Variants in GALNT16 observed in about 807,000 individuals in gnomAD.
GALNT16 encodes the protein UDP-GalNAc:polypeptide N-acetylgalactosaminyltransferase-like protein 1.
A neutral mutation model predicts 76.1 loss-of-function variants in GALNT16; 40 were observed. The ratio of observed to expected loss-of-function variants is 0.53; its 90% CI spans 0.41 to 0.68. GALNT16 has a LOEUF of 0.68. Ranked by LOEUF, GALNT16 falls within the 30% of genes least tolerant of loss-of-function variation. The pLI, the probability that GALNT16 is intolerant of heterozygous loss-of-function variation, is 0.00. For missense variants in GALNT16, 621 were observed against 731.9 expected, an observed-to-expected ratio of 0.85 and a Z score of 1.75; for synonymous variants, 276 against 285.2, an observed-to-expected ratio of 0.97 and a Z score of 0.32.
chr14:69,385,500 T>A, the GALNT16 span, among the ~76,000 whole-genome samples: 2 of 152,042 alleles, frequency 1.3e-5, no homozygotes, highest in East Asian at 3.9e-4. Flanking sequence ...AAGAGCCAAT[T>A]TGAGCTATCA....
At chr14:69,307,162 C>T (rs887806817) in intron 1 of GALNT16, among the ~76,000 whole-genome samples, 1 of 152,140 alleles carries the variant, frequency 6.6e-6, no homozygotes, top group Non-Finnish European at 1.5e-5. Context: ...CTCGAGATCC[C>T]CAAGGGAGCA....
the GALNT16 span, among the ~76,000 whole-genome samples, chr14:69,365,730 T>A: frequency 6.6e-6 from 1 of 152,144 alleles, no homozygotes; most frequent in African/African-American, 2.4e-5. Context: ...ATGGCACACG[T>A]TCACCTATGT....
At chr14:69,332,961 G>T in intron 7 of GALNT16, 124 bp from the exon 8 acceptor site, 1 of 740,622 alleles carries the variant, frequency 1.4e-6, no homozygotes, top group Non-Finnish European at 2.5e-6. Context: ...TCCGAATGAA[G>T]GAGGGACTGC....
At chr14:69,366,451 G>C in the GALNT16 span, among the ~76,000 whole-genome samples, 1 of 152,200 alleles carries the variant, frequency 6.6e-6, no homozygotes, top group African/African-American at 2.4e-5. Flanking sequence ...TCAGGTCTCA[G>C]CTTAAATGTC....
At chr14:69,310,932 T>A (rs2045010009) in intron 1 of GALNT16, among the ~76,000 whole-genome samples, 1 of 151,940 alleles carries the variant, frequency 6.6e-6, no homozygotes, top group African/African-American at 2.4e-5. Flanking sequence ...AAATAAAATT[T>A]TAAAAAAATA....
At chr14:69,371,653 T>C in the GALNT16 span, among the ~76,000 whole-genome samples, 5 of 151,946 alleles carry the variant, frequency 3.3e-5, no homozygotes, top group African/African-American at 9.7e-5. Flanking sequence ...TTTGTAATAA[T>C]AGTTATCATT....
the GALNT16 span, chr14:69,380,509 C>T: frequency 2.7e-6 from 3 of 1,121,086 alleles, no homozygotes; most frequent in East Asian, 2.4e-5. Flanking sequence ...TCCAAGCCCA[C>T]CCCAACCCCC....
intron 1 of GALNT16, among the ~76,000 whole-genome samples, chr14:69,304,918 T>C (rs2140144057): frequency 6.6e-6 from 1 of 152,362 alleles, no homozygotes; most frequent in East Asian, 1.9e-4. Flanking sequence ...TGAATAATGC[T>C]GCATTGAACA....
At chr14:69,372,459 A>T in the GALNT16 span, among the ~76,000 whole-genome samples, 3 of 151,884 alleles carry the variant, frequency 2.0e-5, no homozygotes, top group African/African-American at 4.8e-5. Context: ...ACAAGGCTCA[A>T]ATACATAATT....
At chr14:69,359,849 AC>A (rs2045713565), downstream of GALNT16, among the ~76,000 whole-genome samples, 6 of 151,558 alleles carry the variant, frequency 4.0e-5, 1 homozygote, top group South Asian at 1.3e-3. Flanking sequence ...ATGTGGTGAA[AC>A]CCCATCTCTA....
At chr14:69,367,000 C>A in the GALNT16 span, among the ~76,000 whole-genome samples, 1 of 152,038 alleles carries the variant, frequency 6.6e-6, no homozygotes. Context: ...GGAGCCTTAA[C>A]CTATGATTAA....
chr14:69,328,357 C>A, intron 5 of GALNT16, 93 bp from the exon 6 acceptor site: 8 of 1,323,734 alleles, frequency 6.0e-6, no homozygotes, highest in South Asian at 1.4e-5. Flanking sequence ...AGCCTCAGCC[C>A]CTGAAGGAGA....
At chr14:69,367,025 G>A in the GALNT16 span, among the ~76,000 whole-genome samples, 3 of 152,276 alleles carry the variant, frequency 2.0e-5, no homozygotes, top group South Asian at 2.1e-4. Flanking sequence ...TAAAGTGTAT[G>A]AGCCTTGAGG....
chr14:69,266,830 G>A (rs1005420533), intron 1 of GALNT16, among the ~76,000 whole-genome samples: 4 of 152,210 alleles, frequency 2.6e-5, no homozygotes, highest in Non-Finnish European at 5.9e-5. Flanking sequence ...ACAGGGTAAC[G>A]ACCAGAAATC....
Position 69,339,425 on chromosome 14 carries a change from G to A in GALNT16, c.1095-102G>A, listed in dbSNP as rs2045455899. ...CATCCAAGTATCACCTTGCTCCTGA[G>A]ATTCTCATCGTCCTGTATTCATGGA... is the stretch of plus-strand genomic sequence containing the variant. On this transcript the variant is annotated intron_variant, in intron 10 of 14. Coordinates refer to ENST00000448469, the MANE Select transcript of GALNT16 (RefSeq NM_001168368.2). 5 of 781,680 alleles carry A rather than the reference G, an allele frequency of 6.4e-6. No individual in the cohort carries two copies. In the African/African-American group the frequency reaches 6.7e-5, roughly 11 times the overall value. 48.4% of individuals were successfully genotyped at this position (781,680 alleles called of 1,614,324 possible). A position where few individuals can be genotyped will look rare whatever the true frequency, so the allele number is the denominator to read the frequency against.
At chr14:69,365,293 T>C in the GALNT16 span, among the ~76,000 whole-genome samples, 1 of 152,126 alleles carries the variant, frequency 6.6e-6, no homozygotes, top group African/African-American at 2.4e-5. Context: ...TCATAAATAA[T>C]TAATAATTTC....
chr14:69,376,262 C>A, the GALNT16 span, among the ~76,000 whole-genome samples: 4 of 151,828 alleles, frequency 2.6e-5, no homozygotes, highest in Non-Finnish European at 4.4e-5. Context: ...TAAGGGACCA[C>A]TGGTCTTATT....
intron 1 of GALNT16, among the ~76,000 whole-genome samples, chr14:69,270,248 C>T (rs932852164): frequency 6.6e-6 from 1 of 152,132 alleles, no homozygotes; most frequent in Non-Finnish European, 1.5e-5. Flanking sequence ...GGGCACTGCG[C>T]AGCTGTTTCT....
intron 12 of GALNT16, 110 bp from the exon 13 acceptor site, chr14:69,346,930 C>A: frequency 7.3e-7 from 1 of 1,370,336 alleles, no homozygotes; most frequent in Non-Finnish European, 1.0e-6. Context: ...GGGCCCCTTC[C>A]CACGGAGACC....
Sources: gnomAD v4.1 joint callset for allele counts (sites outside exome capture counted in the v4.1 genomes callset) on GRCh38, gnomAD v4.1.1 for gene constraint, MANE v1.5 for transcripts, NCBI Gene and HGNC (gene_info 2026-07-23, HGNC 2026-07-21) for gene names.